Variants in BRD4 observed in about 807,000 individuals in gnomAD.
BRD4 encodes bromodomain-containing protein 4.
Under a neutral mutation model 142.1 loss-of-function variants are expected in BRD4, and 16 were observed. The ratio of observed to expected loss-of-function variants is 0.11; its 90% confidence interval spans 0.08 to 0.17. BRD4 has a LOEUF of 0.17. Among genes scored for constraint, BRD4 ranks in the 10% least tolerant of loss-of-function variants. BRD4 has a pLI of 1.00. For missense variants in BRD4, 1,424 were observed against 1,810.9 expected (o/e 0.79, Z 3.88); for synonymous variants, 833 against 707.5 (o/e 1.18, Z -2.82).
chr19:15,331,310 G>A (rs1205666037), intron 1 of BRD4, among the ~76,000 whole-genome samples: 1 of 152,178 alleles, frequency 6.6e-6, no homozygotes, highest in East Asian at 1.9e-4. Flanking sequence ...AGCCTTGGGG[G>A]CATCTCAGCC....
Position 15,256,514 on chromosome 19 carries a change from G to A in BRD4, c.1552-251C>T, listed in dbSNP as rs569032720. On this transcript the variant is annotated intron_variant, in intron 8 of 19. Coordinates refer to ENST00000679869, the MANE Select transcript of BRD4 (RefSeq NM_001379291.1). ...CAGTGTCTTCCTCACCAGAGGAGCT[G>A]ATCAAGCCGACAGACACCAAGTCTC... is the stretch of plus-strand genomic sequence containing the variant. 6.6e-5 allele frequency among the ~76,000 whole-genome samples: 10 copies of A among 152,318 alleles called. No homozygotes were observed. The East Asian group carries it at 9.7e-4, about 15-fold the overall frequency.
Position 15,292,904 on chromosome 19 carries a change from A to G in BRD4, c.-34-19771T>C, listed in dbSNP as rs1044599085. ...ACAATTTCGGATGTGAAAGGATTGCAGCAACAGAAGGAGGGTAACTCTGCT... is the reference window on the plus strand; with the variant it reads ...ACAATTTCGGATGTGAAAGGATTGCGGCAACAGAAGGAGGGTAACTCTGCT... On this transcript the variant is annotated intron_variant, in intron 1 of 19. Coordinates refer to ENST00000679869, the MANE Select transcript of BRD4 (RefSeq NM_001379291.1). Among the ~76,000 whole-genome samples the G allele has an allele frequency of 3.9e-5, 6 of 151,956 alleles. No homozygotes were observed. The East Asian group carries it at 9.7e-4, about 24-fold the overall frequency.
intron 1 of BRD4, among the ~76,000 whole-genome samples, chr19:15,276,167 A>G (rs1488373936): frequency 6.6e-6 from 1 of 152,190 alleles, no homozygotes; most frequent in Non-Finnish European, 1.5e-5. Flanking sequence ...CAGGAAAGTA[A>G]GACCCTTGGG....
intron 11 of BRD4, chr19:15,249,063 G>A: frequency 1.5e-6 from 1 of 664,806 alleles, no homozygotes; most frequent in Non-Finnish European, 2.6e-6. Flanking sequence ...GAGAGGCCTG[G>A]GCGGCTGGCC....
At chr19:15,306,540 T>C (rs2047915662) in intron 1 of BRD4, among the ~76,000 whole-genome samples, 1 of 152,108 alleles carries the variant, frequency 6.6e-6, no homozygotes, top group South Asian at 2.1e-4. Context: ...CAAAAAATGC[T>C]AGGATTACAG....
chr19:15,278,969 G>A (rs1419592421), intron 1 of BRD4, among the ~76,000 whole-genome samples: 1 of 152,146 alleles, frequency 6.6e-6, no homozygotes, highest in African/African-American at 2.4e-5. Context: ...AGCCTCCTGA[G>A]TAGCTGGTAT....
intron 1 of BRD4, among the ~76,000 whole-genome samples, chr19:15,293,586 T>C (rs558279584): frequency 2.0e-5 from 3 of 152,218 alleles, no homozygotes; most frequent in Non-Finnish European, 4.4e-5. Context: ...ATATGACTGA[T>C]AGTAAGGTGT....
intron 1 of BRD4, among the ~76,000 whole-genome samples, chr19:15,322,321 G>T (rs1476405291): frequency 1.3e-5 from 2 of 151,998 alleles, no homozygotes; most frequent in Non-Finnish European, 2.9e-5. Context: ...GCCCAGGCTG[G>T]AGTGCAGTGA....
At chr19:15,288,267 G>A (rs2047755103) in intron 1 of BRD4, among the ~76,000 whole-genome samples, 1 of 152,144 alleles carries the variant, frequency 6.6e-6, no homozygotes, top group East Asian at 1.9e-4. Flanking sequence ...AGTACACAGA[G>A]GTAATATCAC....
intron 1 of BRD4, among the ~76,000 whole-genome samples, chr19:15,292,842 G>A (rs10415990): frequency 0.013 from 1,743 of 132,660 alleles, 41 homozygotes; most frequent in African/African-American, 0.043. Context: ...AGAAAAGCCT[G>A]AAACATCCCC....
intron 2 of BRD4, among the ~76,000 whole-genome samples, chr19:15,271,341 C>T (rs2047585090): frequency 6.6e-6 from 1 of 152,208 alleles, no homozygotes. Context: ...CACACCGTCG[C>T]AATCTGGTTT....
intron 1 of BRD4, among the ~76,000 whole-genome samples, chr19:15,329,835 T>C (rs1420954671): frequency 6.6e-6 from 1 of 152,216 alleles, no homozygotes; most frequent in African/African-American, 2.4e-5. Context: ...AAAATATTGT[T>C]ACCCCCACCT....
At position 15,302,898 on chromosome 19, in the gene BRD4, C is replaced by T. The variant is rs1202269183; in HGVS notation, c.-35+29392G>A. On this transcript the variant is annotated intron_variant, in intron 1 of 19. Coordinates refer to ENST00000679869, the MANE Select transcript of BRD4 (RefSeq NM_001379291.1). Reference sequence around the variant, plus strand: ...TGGCGGTCACCTGTAGTCCCAGCTACTTGAGAGGCCGAGGCAGGAGAATGG... The same window carrying T: ...TGGCGGTCACCTGTAGTCCCAGCTATTTGAGAGGCCGAGGCAGGAGAATGG... Among the ~76,000 whole-genome samples, 10 of 150,188 alleles carry T rather than the reference C, an allele frequency of 6.7e-5. 1 individual carries two copies. Among genetic ancestry groups the T allele is most frequent in the African/African-American group, 2.5e-4 (10 of 40,750 alleles).
At chr19:15,313,151 C>CACG in intron 1 of BRD4, among the ~76,000 whole-genome samples, 1 of 151,826 alleles carries the variant, frequency 6.6e-6, no homozygotes, top group Admixed American at 6.6e-5. Flanking sequence ...GCGGGCGGAT[C>CACG]ACGAGGTCAG....
intron 10 of BRD4, among the ~76,000 whole-genome samples, 158 bp downstream of exon 10, chr19:15,255,139 G>A (rs1207322792): frequency 2.7e-5 from 4 of 149,596 alleles, no homozygotes; most frequent in African/African-American, 9.8e-5. Context: ...TGAGTGCAAT[G>A]TCACAACCTT....
chr19:15,314,597 C>T (rs1290457994), intron 1 of BRD4, among the ~76,000 whole-genome samples: 1 of 152,148 alleles, frequency 6.6e-6, no homozygotes, highest in African/African-American at 2.4e-5. Context: ...CAGGCTTGCA[C>T]ATCCAACCGC....
intron 1 of BRD4, among the ~76,000 whole-genome samples, chr19:15,297,406 T>C (rs2047832185): frequency 6.6e-6 from 1 of 152,044 alleles, no homozygotes; most frequent in East Asian, 1.9e-4. Flanking sequence ...ATAAACAACG[T>C]ACACACGATA....
rs1245391540 is a variant in BRD4, at chr19:15,238,977, G to A, written c.3786C>T (p.Ser1262=). ...KERLRQERMR[S]REDEDALEQA... ...GCTCCAGCGCATCCTCGTCCTCTCGGCTCCTGGGCAGAGGGTCCCAGTCAG... is the reference window on the plus strand; with the variant it reads ...GCTCCAGCGCATCCTCGTCCTCTCGACTCCTGGGCAGAGGGTCCCAGTCAG... Residue 1262 remains serine (S), a synonymous_variant, in exon 19 of 20, where the codon AGC becomes AGT. Transcript: ENST00000679869. This position sits in a 1 kb window ranked among gnomAD's most constrained non-coding sequence, Gnocchi z 7.2. 2 of 1,584,962 alleles carry A rather than the reference G, an allele frequency of 1.3e-6. No individual in the cohort carries two copies. Among genetic ancestry groups the A allele is most frequent in the Non-Finnish European group, 8.6e-7 (1 of 1,167,298 alleles).
intron 7 of BRD4, among the ~76,000 whole-genome samples, chr19:15,258,115 A>G (rs1424787711): frequency 2.6e-5 from 4 of 152,180 alleles, no homozygotes; most frequent in African/African-American, 9.7e-5. Context: ...CCAGGAATAA[A>G]CTGATCATCG....
Sources: gnomAD v4.1 joint callset for allele counts (sites outside exome capture counted in the v4.1 genomes callset) on GRCh38, gnomAD v4.1.1 for gene constraint, Gnocchi (gnomAD v3.1) non-coding constraint, MANE v1.5 for transcripts, NCBI Gene and HGNC (gene_info 2026-07-23, HGNC 2026-07-21) for gene names.